The following ACAD8 variants were observed in gnomAD, a reference collection of about 807,000 sequenced individuals.
ACAD8 encodes the protein acyl-CoA dehydrogenase family member 8, also known as isobutyryl-CoA dehydrogenase, mitochondrial.
ACAD8 carries 47 observed loss-of-function variants against 53.1 expected under a neutral mutation model. The ratio of observed to expected loss-of-function variants is 0.89; its 90% CI spans 0.70 to 1.13. The LOEUF (loss-of-function observed/expected upper bound fraction) is 1.13, where lower values mean the gene tolerates loss of function less well. Ranked by LOEUF, ACAD8 falls within the 50% of genes most tolerant of loss-of-function variation. The pLI is 0.00. For synonymous variants in ACAD8, 198 were observed against 201.3 expected (o/e 0.98, Z 0.14); for missense variants, 494 against 535.0 (o/e 0.92, Z 0.76).
At chr11:134,262,820 G>C (rs149141770) in intron 10 of ACAD8, 198 bp downstream of exon 10, 1 of 1,466,084 alleles carries the variant, frequency 6.8e-7, no homozygotes, top group Non-Finnish European at 9.1e-7. Flanking sequence ...CGTCCCTTTC[G>C]GGGGGCCTCA....
chr11:134,257,165 C>T lies in ACAD8; in HGVS notation c.288C>T (p.Gly96=), dbSNP rs776891196. 42 of 1,613,974 alleles carry T rather than the reference C, an allele frequency of 2.6e-5. No homozygotes were observed. Among genetic ancestry groups the T allele is most frequent in the Non-Finnish European group, 3.2e-5 (38 of 1,180,034 alleles). Residue 96 remains glycine, a synonymous_variant, in exon 3 of 11, where the codon GGC becomes GGT. Coordinates refer to ENST00000281182, the MANE Select transcript of ACAD8 (RefSeq NM_014384.3). ...FGGVYIQTDV[G]GSGLSRLDTS... is the part of the protein sequence containing the mutation. The stretch of plus-strand genomic sequence containing the variant: ...GGGTCTACATACAAACAGATGTGGG[C>T]GGGTCTGGGCTGTCACGTCTTGATA...
intron 10 of ACAD8, among the ~76,000 whole-genome samples, chr11:134,264,529 GA>G (rs759041977): frequency 6.6e-6 from 1 of 151,526 alleles, no homozygotes; most frequent in Non-Finnish European, 1.5e-5. Flanking sequence ...AAAAGTAAAA[GA>G]AAAAAAATCA....
chr11:134,257,181 C>G lies in ACAD8; in HGVS notation c.304C>G (p.Arg102Gly), dbSNP rs759177553. 2 of 1,614,068 alleles carry G rather than the reference C, an allele frequency of 1.2e-6. No homozygotes were observed. The highest frequency in any genetic ancestry group is 1.7e-6 in the Non-Finnish European group (2 of 1,180,050). ...QTDVGGSGLS[R>G]LDTSVIFEAL... ...AGATGTGGGCGGGTCTGGGCTGTCACGTCTTGATACCTCTGTCATTTTTGA... is the reference window on the plus strand; with the variant it reads ...AGATGTGGGCGGGTCTGGGCTGTCAGGTCTTGATACCTCTGTCATTTTTGA... Residue 102 changes from arginine to glycine, a missense_variant, in exon 3 of 11, where the codon CGT becomes GGT. Arg to Gly is a moderately radical substitution (Grantham distance 125, BLOSUM62 -2). Coordinates refer to ENST00000281182, the MANE Select transcript of ACAD8 (RefSeq NM_014384.3).
rs893675024 is a variant in ACAD8 at position 134,262,492 on chromosome 11, A to G, written c.1093-28A>G. ...TTGCTCCACAGTCTTCCCAGAGTCCAAGACGTCTAGTCCCTGTCTCCCTGC... is the reference window on the plus strand; with the variant it reads ...TTGCTCCACAGTCTTCCCAGAGTCCGAGACGTCTAGTCCCTGTCTCCCTGC... On this transcript the variant is annotated intron_variant, in intron 9 of 10. Transcript: ENST00000281182. The G allele has an allele frequency of 9.8e-6, 15 of 1,528,842 alleles. No homozygotes were observed. In the Admixed American group the frequency reaches 1.7e-4, roughly 17 times the overall value. The allele number at this position is 1,528,842 out of a possible 1,614,324, so 94.7% of individuals were successfully genotyped here.
In ACAD8 at chr11:134,261,519, A is replaced by C; in HGVS notation, c.939+147A>C. 2 of 1,509,336 alleles carry C rather than the reference A, an allele frequency of 1.3e-6. No individual in the cohort carries two copies. The highest frequency in any genetic ancestry group is 1.2e-5 in the South Asian group (1 of 83,676). 93.5% of individuals were successfully genotyped at this position (1,509,336 alleles called of 1,614,324 possible). A position where few individuals can be genotyped will look rare whatever the true frequency, so the allele number is the denominator to read the frequency against. On this transcript the variant is annotated intron_variant, in intron 8 of 10. Transcript: ENST00000281182. This position sits in a 1 kb window ranked among gnomAD's most constrained non-coding sequence, Gnocchi z 4.2. ...CAGAGCTTGTGCTTTATTTCTGTCC[A>C]TCTTTTCTTGGGATATCTTTAACGA...
Position 134,257,148 on chromosome 11 carries a change from A to AT in ACAD8, c.272dup (p.Gln92ThrfsTer13). On this transcript the variant is annotated frameshift_variant, in exon 3 of 11. Transcript: ENST00000281182. LOFTEE classifies it high-confidence loss of function. ...CCAGCTAGGCTTCGGAGGGGTCTACATACAAACAGATGTGGGCGGGTCTGG... is the reference window on the plus strand; with the variant it reads ...CCAGCTAGGCTTCGGAGGGGTCTACATTACAAACAGATGTGGGCGGGTCTGG... 6.2e-7 allele frequency: 1 copy of AT among 1,614,160 alleles called. No individual in the cohort carries two copies. Among genetic ancestry groups the AT allele is most frequent in the Admixed American group, 1.7e-5 (1 of 60,012 alleles).
At position 134,261,357 on chromosome 11, in the gene ACAD8, T is replaced by C. The variant is rs756980031; in HGVS notation, c.924T>C (p.Pro308=). Residue 308 remains proline (P), a synonymous_variant, in exon 8 of 11, where the codon CCT becomes CCC. Coordinates refer to ENST00000281182, the MANE Select transcript of ACAD8 (RefSeq NM_014384.3). This position sits in a 1 kb window ranked among gnomAD's most constrained non-coding sequence, Gnocchi z 4.2. ...ATGTCCGGAAGCAGTTTGGAGAGCC[T>C]CTGGCCAGTAACCAGGTAACCTCTG... ...HLNVRKQFGE[P]LASNQYLQFT... is the part of the protein sequence containing the mutation. The C allele has an allele frequency of 6.2e-7, 1 of 1,614,154 alleles. No individual in the cohort carries two copies. The highest frequency in any genetic ancestry group is 1.1e-5 in the South Asian group (1 of 91,080).
In ACAD8 at chr11:134,261,100, T is replaced by C. The variant is rs146070958; in HGVS notation, c.762T>C (p.Pro254=). The C allele has an allele frequency of 3.2e-5, 51 of 1,612,026 alleles. No individual in the cohort carries two copies. In the African/African-American group the frequency reaches 6.4e-4, roughly 20 times the overall value. ...RAVIFEDCAV[P]VANRIGSEGQ... ...TGATCTTCGAAGACTGTGCTGTCCC[T>C]GTGGCCAACAGAATTGGGAGCGAGG... Residue 254 remains proline (P), a synonymous_variant, in exon 7 of 11, where the codon CCT becomes CCC. Transcript: ENST00000281182. The surrounding 1 kb of genome is among the most constrained non-coding windows in gnomAD (Gnocchi z 4.2).
intron 1 of ACAD8, among the ~76,000 whole-genome samples, chr11:134,254,060 G>A (rs1939317647): frequency 1.3e-5 from 2 of 150,778 alleles, no homozygotes; most frequent in Non-Finnish European, 3.0e-5. Flanking sequence ...TCCCCCCGCA[G>A]GTTCCCCTCC....
intron 1 of ACAD8, 78 bp downstream of exon 1, chr11:134,253,787 C>G (rs1939272206): frequency 1.7e-5 from 24 of 1,384,680 alleles, no homozygotes; most frequent in Non-Finnish European, 2.3e-5. Flanking sequence ...CTGCAGTCTC[C>G]CCGTTCCATC....
chr11:134,263,566 T>G (rs1207129251), intron 10 of ACAD8: 30 of 985,376 alleles, frequency 3.0e-5, no homozygotes, highest in Non-Finnish European at 3.6e-5. Flanking sequence ...GTTAGACCGC[T>G]GCTTTCTTCT....
rs1939721486 is a variant in ACAD8 at position 134,259,084 on chromosome 11, G to A, written c.567G>A (p.Lys189=). 6.2e-7 allele frequency: 1 copy of A among 1,613,896 alleles called. No homozygotes were observed. The highest frequency in any genetic ancestry group is 8.5e-7 in the Non-Finnish European group (1 of 1,179,912). Residue 189 remains lysine (K), a splice_region_variant and synonymous_variant, in exon 5 of 11, where the codon AAG becomes AAA. Coordinates refer to ENST00000281182, the MANE Select transcript of ACAD8 (RefSeq NM_014384.3). ...ATCATTACATCCTCAATGGCTCCAA[G>A]GTACTAGCGTGCGTCCTCCCAGAGC... ...QGDHYILNGS[K]AFISGAGESD...
Position 134,253,725 on chromosome 11 carries a change from C to T in ACAD8, c.109+16C>T. 1.3e-6 allele frequency: 2 copies of T among 1,578,156 alleles called. No homozygotes were observed. Among genetic ancestry groups the T allele is most frequent in the South Asian group, 1.2e-5 (1 of 86,908 alleles). Reference sequence around the variant, plus strand: ...TGCATCGACCGTAAGGATCTCCTGGCGGGCAGTAGGACAGGTGTCCAGAAC... The same window carrying T: ...TGCATCGACCGTAAGGATCTCCTGGTGGGCAGTAGGACAGGTGTCCAGAAC... On this transcript the variant is annotated intron_variant, in intron 1 of 10. Transcript: ENST00000281182.
At chr11:134,260,688 C>A in intron 6 of ACAD8, 1 of 361,910 alleles carries the variant, frequency 2.8e-6, no homozygotes, top group South Asian at 2.3e-5. Context: ...ATTTTCAGAG[C>A]CAGAGAGGAA....
At chr11:134,264,142 C>A in intron 10 of ACAD8, 1 of 786,834 alleles carries the variant, frequency 1.3e-6, no homozygotes, top group Non-Finnish European at 1.5e-6. Context: ...GCCAGGAGTT[C>A]GAGACCAGCT....
In ACAD8 at chr11:134,262,665, G is replaced by A. The variant is rs561945; in HGVS notation, c.1195+43G>A. 0.32 allele frequency: 506,401 copies of A among 1,574,712 alleles called. 84,047 individuals carry two copies. The highest frequency in any genetic ancestry group is 0.4 in the Admixed American group (22,868 of 56,626). ...TTATTCTCTTCCCTTCAGAACGGGG[G>A]CGGGATCGCTGCTTTCCCCACTCTC... On this transcript the variant is annotated intron_variant, in intron 10 of 10. Transcript: ENST00000281182.
At chr11:134,260,990 G>T in intron 6 of ACAD8, 54 bp from the exon 7 acceptor site, 1 of 1,600,040 alleles carries the variant, frequency 6.2e-7, no homozygotes, top group Middle Eastern at 1.7e-4. Flanking sequence ...CCCAGGGAAG[G>T]CCGCCCTACC....
chr11:134,259,579 G>A (rs1161802764), intron 5 of ACAD8, 29 bp from the exon 6 acceptor site: 3 of 1,613,846 alleles, frequency 1.9e-6, no homozygotes, highest in East Asian at 4.5e-5. Context: ...GCATTCCCTG[G>A]TCCTTTTGCA....
intron 3 of ACAD8, 86 bp downstream of exon 3, chr11:134,257,343 T>G: frequency 6.5e-7 from 1 of 1,537,258 alleles, no homozygotes. Context: ...AGATTGATCT[T>G]TTGAAGCTGA....
Sources: gnomAD v4.1 joint callset for allele counts (sites outside exome capture counted in the v4.1 genomes callset) on GRCh38, gnomAD v4.1.1 for gene constraint, Gnocchi (gnomAD v3.1) non-coding constraint, MANE v1.5 for transcripts, NCBI Gene and HGNC (gene_info 2026-07-23, HGNC 2026-07-21) for gene names.